Variants in EPB41L2 observed in about 807,000 individuals in gnomAD.
EPB41L2 encodes band 4.1-like protein 2.
Under a neutral mutation model 113.0 loss-of-function variants are expected in EPB41L2, and 43 were observed. That is an observed-to-expected ratio of 0.38 (90% CI 0.30 to 0.49). EPB41L2 has a LOEUF of 0.49. Among genes scored for constraint, EPB41L2 ranks in the 20% least tolerant of loss-of-function variants. The pLI is 0.95. For synonymous variants in EPB41L2, 442 were observed against 436.7 expected (o/e 1.01, Z -0.15); for missense variants, 1,147 against 1,223.4 (o/e 0.94, Z 0.93).
At position 130,889,723 on chromosome 6, in the gene EPB41L2, T is replaced by C. The variant is rs576030366; in HGVS notation, c.1660+571A>G. 5.3e-5 allele frequency among the ~76,000 whole-genome samples: 8 copies of C among 152,256 alleles called. No homozygotes were observed. The South Asian group carries it at 1.4e-3, about 28-fold the overall frequency. ...GCCATTAATTAAAAGGTTCAGGAAA[T>C]TGAACCACATAAAACACATCATGAT... On this transcript the variant is annotated intron_variant, in intron 11 of 19. Transcript: ENST00000337057.
chr6:130,855,602 GC>G (rs1779985252), intron 19 of EPB41L2, among the ~76,000 whole-genome samples: 2 of 152,104 alleles, frequency 1.3e-5, no homozygotes, highest in Admixed American at 1.3e-4. Context: ...GCTAGCAAAA[GC>G]TAGAAAAGAT....
At chr6:130,907,700 A>AGACT (rs1330345251) in intron 5 of EPB41L2, among the ~76,000 whole-genome samples, 1 of 152,200 alleles carries the variant, frequency 6.6e-6, no homozygotes, top group Non-Finnish European at 1.5e-5. Context: ...AATGACAGGA[A>AGACT]GACTACCAAA....
chr6:130,955,866 C>T lies in EPB41L2; in HGVS notation c.492+128G>A, dbSNP rs1443760753. 22 of 1,456,982 alleles carry T rather than the reference C, an allele frequency of 1.5e-5. 1 individual carries two copies. Among genetic ancestry groups the T allele is most frequent in the African/African-American group, 4.3e-5 (3 of 70,498 alleles). The allele number at this position is 1,456,982 out of a possible 1,614,324, so 90.3% of individuals were successfully genotyped here. Reference sequence around the variant, plus strand: ...TGGTAGACCAATCTAAGACCCATTCCGTATACATTAAGCTAAAGCAGTATC... The same window carrying T: ...TGGTAGACCAATCTAAGACCCATTCTGTATACATTAAGCTAAAGCAGTATC... On this transcript the variant is annotated intron_variant, in intron 2 of 19. Coordinates refer to ENST00000337057, the MANE Select transcript of EPB41L2 (RefSeq NM_001431.4).
chr6:130,893,987 C>T (rs1793787129), intron 10 of EPB41L2, among the ~76,000 whole-genome samples: 1 of 152,084 alleles, frequency 6.6e-6, no homozygotes, highest in Admixed American at 6.5e-5. Flanking sequence ...GAGCTCTAGA[C>T]AGCTGCAGGG....
chr6:131,054,536 T>C (rs1797244480), intron 1 of EPB41L2, among the ~76,000 whole-genome samples: 1 of 152,244 alleles, frequency 6.6e-6, no homozygotes, highest in South Asian at 2.1e-4. Flanking sequence ...CTTATCTCTA[T>C]GTGTCCCTGT....
At chr6:130,950,787 T>C (rs1814648225) in intron 3 of EPB41L2, among the ~76,000 whole-genome samples, 1 of 152,172 alleles carries the variant, frequency 6.6e-6, no homozygotes, top group African/African-American at 2.4e-5. Context: ...ACAAAATGAA[T>C]GCAGAATCAT....
chr6:130,964,765 A>G (rs145417072), intron 1 of EPB41L2, among the ~76,000 whole-genome samples: 61 of 152,272 alleles, frequency 4.0e-4, no homozygotes, highest in African/African-American at 1.4e-3. Context: ...GCATGCAGCA[A>G]CTCGAACCTT....
chr6:130,952,657 A>G (rs1815607394), intron 3 of EPB41L2, among the ~76,000 whole-genome samples: 1 of 152,154 alleles, frequency 6.6e-6, no homozygotes, highest in African/African-American at 2.4e-5. Context: ...TAAAAATACA[A>G]AAATTAGCTG....
chr6:130,937,925 T>G (rs1324119710), intron 3 of EPB41L2, among the ~76,000 whole-genome samples: 2 of 151,820 alleles, frequency 1.3e-5, no homozygotes, highest in East Asian at 1.9e-4. Flanking sequence ...AATCATCAGG[T>G]GGAAAAACAC....
rs188839206 is a variant in EPB41L2, at chr6:131,026,955, C to T, written c.-15+36200G>A. On this transcript the variant is annotated intron_variant, in intron 1 of 19. Coordinates refer to ENST00000337057, the MANE Select transcript of EPB41L2 (RefSeq NM_001431.4). Reference sequence around the variant, plus strand: ...ACATATTCCTTTAGGTACCTCAATGCATGTAATACATGTTACTGGTCTAAA... The same window carrying T: ...ACATATTCCTTTAGGTACCTCAATGTATGTAATACATGTTACTGGTCTAAA... Among the ~76,000 whole-genome samples the T allele has an allele frequency of 1.7e-4, 26 of 152,240 alleles. No individual in the cohort carries two copies. The East Asian group carries it at 4.0e-3, about 24-fold the overall frequency.
chr6:131,013,202 A>G (rs1460166520), intron 1 of EPB41L2, among the ~76,000 whole-genome samples: 2 of 150,992 alleles, frequency 1.3e-5, no homozygotes, highest in Non-Finnish European at 2.9e-5. Flanking sequence ...CCCAAGAGGA[A>G]CTAAGAAGAA....
At chr6:130,854,074 G>A (rs533901480) in intron 19 of EPB41L2, among the ~76,000 whole-genome samples, 4 of 152,238 alleles carry the variant, frequency 2.6e-5, no homozygotes, top group South Asian at 2.1e-4. Context: ...CTCAAACTTC[G>A]TTTCTCAAGT....
At chr6:130,993,408 G>A (rs1782337327) in intron 1 of EPB41L2, among the ~76,000 whole-genome samples, 1 of 152,204 alleles carries the variant, frequency 6.6e-6, no homozygotes, top group African/African-American at 2.4e-5. Context: ...TCTTGTATCG[G>A]TTCAAACCCT....
chr6:130,856,997 A>T (rs1281950000), intron 19 of EPB41L2, among the ~76,000 whole-genome samples: 3 of 152,214 alleles, frequency 2.0e-5, no homozygotes, highest in Non-Finnish European at 4.4e-5. Context: ...TACAAATATA[A>T]ATATTAAAAT....
chr6:130,897,059 C>T (rs1215112305), intron 8 of EPB41L2, among the ~76,000 whole-genome samples: 1 of 152,082 alleles, frequency 6.6e-6, no homozygotes, highest in Admixed American at 6.5e-5. Flanking sequence ...GCCCTCCCTC[C>T]TTCAGACAGA....
intron 1 of EPB41L2, among the ~76,000 whole-genome samples, chr6:131,023,745 ATC>A (rs56938250): frequency 0.17 from 23,836 of 140,784 alleles, 2,753 homozygotes; most frequent in East Asian, 0.43. Context: ...ATATCTATAT[ATC>A]TATATATAGA....
chr6:130,931,845 C>T (rs570367287), intron 3 of EPB41L2, among the ~76,000 whole-genome samples: 2 of 152,112 alleles, frequency 1.3e-5, no homozygotes, highest in South Asian at 2.1e-4. Context: ...CTTAACAATA[C>T]GGAAGAAAAG....
Position 131,023,748 on chromosome 6 carries a change from T to TATATATAGATATATAG in EPB41L2, c.-15+39391_-15+39406dup, listed in dbSNP as rs3031750. Among the ~76,000 whole-genome samples the TATATATAGATATATAG allele has an allele frequency of 5.3e-4, 55 of 103,148 alleles. No homozygotes were observed. In the East Asian group the frequency reaches 6.9e-3, roughly 13 times the overall value. The allele number at this position is 103,148 out of a possible 152,430, so 67.7% of individuals were successfully genotyped here. A position where few individuals can be genotyped will look rare whatever the true frequency, so the allele number is the denominator to read the frequency against. ...GTGTGTGTATATATATCTATATATC[T>TATATATAGATATATAG]ATATATAGATATATAGATATATAGA... is the stretch of plus-strand genomic sequence containing the variant. On this transcript the variant is annotated intron_variant, in intron 1 of 19. Transcript: ENST00000337057.
intron 3 of EPB41L2, among the ~76,000 whole-genome samples, chr6:130,937,822 A>AAAAAAAAAG (rs1491296304): frequency 8.5e-5 from 3 of 35,156 alleles, no homozygotes; most frequent in Non-Finnish European, 2.6e-4. Context: ...TCTCAAAAAG[A>AAAAAAAAAG]AAAAAAAAAA....
Sources: allele counts gnomAD v4.1 joint callset (sites outside exome capture counted in the v4.1 genomes callset), GRCh38; gene constraint gnomAD v4.1.1; transcripts MANE v1.5; gene names NCBI Gene and HGNC (gene_info 2026-07-23, HGNC 2026-07-21).